CDC73: variants seen among roughly 807,000 people sequenced by gnomAD.
CDC73 encodes the protein parafibromin.
In CDC73, 21 loss-of-function variants were observed where a neutral mutation model predicts 83.7. The ratio of observed to expected loss-of-function variants is 0.25; its 90% CI spans 0.18 to 0.36. CDC73 has a LOEUF of 0.36. Among genes scored for constraint, CDC73 ranks in the 10% least tolerant of loss-of-function variants. The pLI is 1.00. For missense variants in CDC73, 342 were observed against 653.3 expected (o/e 0.52, Z 5.19); for synonymous variants, 224 against 212.9 (o/e 1.05, Z -0.45).
intron 15 of CDC73, among the ~76,000 whole-genome samples, chr1:193,242,580 G>A (rs373233247): frequency 4.5e-4 from 68 of 152,264 alleles, no homozygotes; most frequent in Non-Finnish European, 9.3e-4. Context: ...TACAGAAGGT[G>A]GTTCTTCTTT....
Position 193,234,175 on chromosome 1 carries a change from T to TCACACA in CDC73, c.1316+1062_1316+1067dup, listed in dbSNP as rs71111461. 3.8e-3 allele frequency among the ~76,000 whole-genome samples: 384 copies of TCACACA among 101,392 alleles called. 2 individuals carry two copies. Among genetic ancestry groups the TCACACA allele is most frequent in the African/African-American group, 0.013 (305 of 23,978 alleles). The allele number at this position is 101,392 out of a possible 152,430, so 66.5% of individuals were successfully genotyped here. On this transcript the variant is annotated intron_variant, in intron 14 of 16. Transcript: ENST00000367435. ...TTCTCTCTCTCTCTCTCTCTCTCTC[T>TCACACA]CACACACACACACACACACACACAC... is the stretch of plus-strand genomic sequence containing the variant.
chr1:193,224,337 A>T (rs1193509797), intron 13 of CDC73, among the ~76,000 whole-genome samples: 3 of 70,224 alleles, frequency 4.3e-5, no homozygotes, highest in Non-Finnish European at 9.5e-5. Flanking sequence ...CCATTGTTCC[A>T]TGTATATATA....
intron 13 of CDC73, among the ~76,000 whole-genome samples, chr1:193,228,488 G>C (rs1483785291): frequency 6.6e-6 from 1 of 152,202 alleles, no homozygotes; most frequent in Non-Finnish European, 1.5e-5. Flanking sequence ...TGTAAAGATA[G>C]ATAGATGAAT....
At chr1:193,132,228 T>C (rs531045142) in intron 3 of CDC73, among the ~76,000 whole-genome samples, 1 of 152,368 alleles carries the variant, frequency 6.6e-6, no homozygotes, top group African/African-American at 2.4e-5. Flanking sequence ...GAATCTTGTG[T>C]ATAATGGAAA....
At chr1:193,163,303 C>T (rs1283255914) in intron 10 of CDC73, among the ~76,000 whole-genome samples, 3 of 151,456 alleles carry the variant, frequency 2.0e-5, no homozygotes, top group Non-Finnish European at 2.9e-5. Flanking sequence ...CCCAGAAGTT[C>T]GAGACCAGCT....
chr1:193,128,974 C>T (rs918516751), intron 2 of CDC73, among the ~76,000 whole-genome samples: 1 of 149,944 alleles, frequency 6.7e-6, no homozygotes. Flanking sequence ...TTATAGGCTT[C>T]TGCCATCACG....
intron 10 of CDC73, chr1:193,181,358 A>C (rs1459891802): frequency 1.2e-6 from 2 of 1,614,000 alleles, no homozygotes; most frequent in South Asian, 2.2e-5. Flanking sequence ...CTTTTTGTTG[A>C]CCGAAATCCT....
At position 193,211,256 on chromosome 1, in the gene CDC73, C is replaced by G. The variant is rs567194602; in HGVS notation, c.1031-809C>G. Among the ~76,000 whole-genome samples, 55 of 152,258 alleles carry G rather than the reference C, an allele frequency of 3.6e-4. 1 individual carries two copies. The highest frequency in any genetic ancestry group is 1.3e-3 in the African/African-American group (54 of 41,562). ...TCTTATGTCTCCCATAAATTTAATGCCTTTTCCATCTTAACACTATCACTC... is the reference window on the plus strand; with the variant it reads ...TCTTATGTCTCCCATAAATTTAATGGCTTTTCCATCTTAACACTATCACTC... On this transcript the variant is annotated intron_variant, in intron 11 of 16. Coordinates refer to ENST00000367435, the MANE Select transcript of CDC73 (RefSeq NM_024529.5).
At chr1:193,249,955 C>T (rs1678019958) in intron 16 of CDC73, 84 bp downstream of exon 16, 1 of 1,260,812 alleles carries the variant, frequency 7.9e-7, no homozygotes, top group Non-Finnish European at 1.2e-6. Flanking sequence ...ATAGAGTTGT[C>T]AGTCTTATTC....
intron 14 of CDC73, among the ~76,000 whole-genome samples, chr1:193,234,383 C>T (rs1391124504): frequency 9.8e-6 from 1 of 101,608 alleles, no homozygotes; most frequent in African/African-American, 3.8e-5. Flanking sequence ...TTCTCTGGTA[C>T]CTAATAGATA....
At position 193,251,456 on chromosome 1, in the gene CDC73, G is replaced by A; in HGVS notation, c.*744G>A. ...GGCTGTAGTATTTTTTATTTTGGGA[G>A]CCAGAGTATGATTTGGGGGAAGAAT... On this transcript the variant is annotated 3_prime_UTR_variant, in exon 17 of 17. Coordinates refer to ENST00000367435, the MANE Select transcript of CDC73 (RefSeq NM_024529.5). The A allele has an allele frequency of 1.3e-5, 3 of 231,986 alleles. No individual in the cohort carries two copies. Among genetic ancestry groups the A allele is most frequent in the Non-Finnish European group, 2.6e-5 (3 of 116,976 alleles). The allele number at this position is 231,986 out of a possible 1,614,324, so 14.4% of individuals were successfully genotyped here. A position where few individuals can be genotyped will look rare whatever the true frequency, so the allele number is the denominator to read the frequency against.
chr1:193,204,004 G>C, intron 11 of CDC73, 152 bp downstream of exon 11: 1 of 692,908 alleles, frequency 1.4e-6, no homozygotes, highest in Non-Finnish European at 2.6e-6. Context: ...TACTGTTTAA[G>C]CAGATCTCAA....
chr1:193,200,447 A>C (rs1677073660), intron 10 of CDC73, among the ~76,000 whole-genome samples: 1 of 152,234 alleles, frequency 6.6e-6, no homozygotes, highest in Non-Finnish European at 1.5e-5. Context: ...GCTTGTAAAC[A>C]GCATACTTTG....
intron 13 of CDC73, among the ~76,000 whole-genome samples, chr1:193,213,282 A>G (rs939730954): frequency 6.6e-6 from 1 of 152,170 alleles, no homozygotes; most frequent in Non-Finnish European, 1.5e-5. Context: ...GACATTAACA[A>G]GGTTTAAAAT....
intron 13 of CDC73, among the ~76,000 whole-genome samples, chr1:193,224,625 A>G (rs1261240116): frequency 6.6e-6 from 1 of 152,164 alleles, no homozygotes. Flanking sequence ...ATATGCATTC[A>G]CATACACACA....
chr1:193,162,530 G>A (rs994209709), intron 10 of CDC73, among the ~76,000 whole-genome samples: 4 of 150,784 alleles, frequency 2.7e-5, no homozygotes, highest in Non-Finnish European at 5.9e-5. Flanking sequence ...GCACCACCAC[G>A]GCCTGGCAAT....
intron 15 of CDC73, among the ~76,000 whole-genome samples, chr1:193,240,152 T>G (rs145712471): frequency 0.012 from 1,863 of 152,330 alleles, 19 homozygotes; most frequent in South Asian, 0.034. Context: ...CTTAATAGAA[T>G]GACCTTCCAG....
At chr1:193,204,944 A>G (rs149171737) in intron 11 of CDC73, among the ~76,000 whole-genome samples, 30 of 152,268 alleles carry the variant, frequency 2.0e-4, no homozygotes, top group African/African-American at 7.0e-4. Flanking sequence ...TTAGAACTTG[A>G]GATATCTGTG....
intron 13 of CDC73, 27 bp from the exon 14 acceptor site, chr1:193,232,966 C>CT: frequency 6.3e-7 from 1 of 1,598,804 alleles, no homozygotes; most frequent in South Asian, 1.1e-5. Flanking sequence ...AATACATTGA[C>CT]TTTTTCTCAT....
Sources: allele counts gnomAD v4.1 joint callset (sites outside exome capture counted in the v4.1 genomes callset), GRCh38; gene constraint gnomAD v4.1.1; transcripts MANE v1.5; gene names NCBI Gene and HGNC (gene_info 2026-07-23, HGNC 2026-07-21).